The following GATAD2A variants were observed in gnomAD, a reference collection of about 807,000 sequenced individuals.
GATAD2A encodes transcriptional repressor p66-alpha.
In GATAD2A, 12 loss-of-function variants were observed where a neutral mutation model predicts 68.5. That is an observed-to-expected ratio of 0.18 (90% CI 0.11 to 0.28). The LOEUF is 0.28. Ranked by LOEUF, GATAD2A falls within the 10% of genes least tolerant of loss-of-function variation. The probability of loss-of-function intolerance (pLI) is 1.00; values close to 1 mark genes in which losing one functional copy is unlikely to be tolerated. For synonymous variants in GATAD2A, 410 were observed against 375.3 expected, an observed-to-expected ratio of 1.09 and a Z score of -1.07; for missense variants, 755 against 868.5, an observed-to-expected ratio of 0.87 and a Z score of 1.64.
At chr19:19,423,762 G>A (rs1490064844) in intron 1 of GATAD2A, among the ~76,000 whole-genome samples, 1 of 152,192 alleles carries the variant, frequency 6.6e-6, no homozygotes, top group African/African-American at 2.4e-5. Context: ...GAAGTGTGGG[G>A]GCTTGAGGTC....
At chr19:19,494,517 T>G in intron 5 of GATAD2A, 134 bp downstream of exon 5, 1 of 595,838 alleles carries the variant, frequency 1.7e-6, no homozygotes, top group Non-Finnish European at 3.0e-6. Flanking sequence ...TAGGCTGGAG[T>G]GAGGCCCTCC....
chr19:19,446,128 T>TA (rs2055689266), intron 1 of GATAD2A, among the ~76,000 whole-genome samples: 1 of 152,228 alleles, frequency 6.6e-6, no homozygotes, highest in African/African-American at 2.4e-5. Flanking sequence ...ATGTCACTCT[T>TA]ACCATTTTAC....
intron 8 of GATAD2A, 138 bp from the exon 9 acceptor site, chr19:19,500,978 CAT>C (rs998374472): frequency 2.8e-5 from 21 of 748,748 alleles, no homozygotes; most frequent in Non-Finnish European, 3.7e-5. Flanking sequence ...CCCATGTCCA[CAT>C]GTCATTGGTG....
At chr19:19,400,837 G>A (rs1266010253), upstream of GATAD2A, among the ~76,000 whole-genome samples, 4 of 152,040 alleles carry the variant, frequency 2.6e-5, no homozygotes, top group Non-Finnish European at 5.9e-5. Context: ...AAACTTTAGA[G>A]TACTAAGAAT....
intron 1 of GATAD2A, among the ~76,000 whole-genome samples, chr19:19,463,891 CT>C (rs1333810262): frequency 2.0e-5 from 3 of 152,228 alleles, no homozygotes; most frequent in African/African-American, 7.2e-5. Flanking sequence ...GCAGCTGTCT[CT>C]TTCTTTCCTT....
At position 19,495,834 on chromosome 19, in the gene GATAD2A, G is replaced by A. The variant is rs777814850; in HGVS notation, c.705G>A (p.Gly235=). Residue 235 remains glycine, a synonymous_variant, in exon 6 of 12, where the codon GGG becomes GGA. Coordinates refer to ENST00000683918, the MANE Select transcript of GATAD2A (RefSeq NM_001384528.1). ...RGGQQASSKL[G]PQASSQVVMP... ...GGCAGCAGGCGTCCTCGAAGCTGGG[G>A]CCACAGGCGAGCTCACAGGTCGTCA... 3.1e-6 allele frequency: 5 copies of A among 1,613,508 alleles called. No individual in the cohort carries two copies. The South Asian group carries it at 4.4e-5, about 14-fold the overall frequency.
chr19:19,435,162 C>T (rs369055648), intron 1 of GATAD2A: 4 of 530,356 alleles, frequency 7.5e-6, no homozygotes, highest in African/African-American at 1.9e-5. Context: ...CTTGGGGATT[C>T]AGAGATGCTG....
At chr19:19,398,832 G>A (rs1026910963) in intron 1 of GATAD2A, among the ~76,000 whole-genome samples, 4 of 151,200 alleles carry the variant, frequency 2.6e-5, no homozygotes, top group Admixed American at 6.6e-5. Context: ...AGGCCAAGGC[G>A]GGTGGATAAC....
chr19:19,420,984 C>T (rs773743748), intron 1 of GATAD2A, among the ~76,000 whole-genome samples: 1 of 152,136 alleles, frequency 6.6e-6, no homozygotes, highest in Non-Finnish European at 1.5e-5. Flanking sequence ...TCTTGGTGTC[C>T]CCAAAGTTTT....
At chr19:19,448,893 C>T in intron 1 of GATAD2A, among the ~76,000 whole-genome samples, 1 of 152,172 alleles carries the variant, frequency 6.6e-6, no homozygotes, top group East Asian at 1.9e-4. Flanking sequence ...AGGCTTTCAT[C>T]TCGTGTTACC....
intron 1 of GATAD2A, among the ~76,000 whole-genome samples, chr19:19,389,446 G>C (rs1047342438): frequency 2.0e-5 from 3 of 152,154 alleles, no homozygotes; most frequent in African/African-American, 7.2e-5. Flanking sequence ...CTTAATTTGA[G>C]TCCTTTGTGA....
At position 19,408,329 on chromosome 19, in the gene GATAD2A, T is replaced by C. The variant is rs1011407269; in HGVS notation, c.-7+2310T>C. On this transcript the variant is annotated intron_variant, in intron 1 of 11. Coordinates refer to ENST00000683918, the MANE Select transcript of GATAD2A (RefSeq NM_001384528.1). Reference sequence around the variant, plus strand: ...TCAGATGACATCATTTTTTAAAATGTCAAGTCATCTCTATTAATGCAGTAT... The same window carrying C: ...TCAGATGACATCATTTTTTAAAATGCCAAGTCATCTCTATTAATGCAGTAT... Among the ~76,000 whole-genome samples, 5 of 152,202 alleles carry C rather than the reference T, an allele frequency of 3.3e-5. No homozygotes were observed. The South Asian group carries it at 1.0e-3, about 32-fold the overall frequency.
intron 4 of GATAD2A, among the ~76,000 whole-genome samples, chr19:19,493,076 G>A (rs1001654383): frequency 6.6e-6 from 1 of 152,114 alleles, no homozygotes; most frequent in African/African-American, 2.4e-5. Flanking sequence ...GAGTAGCTGG[G>A]ACTACAGGCG....
intron 1 of GATAD2A, among the ~76,000 whole-genome samples, chr19:19,439,569 C>G (rs1010379994): frequency 6.6e-6 from 1 of 152,134 alleles, no homozygotes; most frequent in Non-Finnish European, 1.5e-5. Context: ...GACAAGTGGT[C>G]AGGTGCGGTG....
At chr19:19,500,410 T>A (rs2060450412) in intron 8 of GATAD2A, among the ~76,000 whole-genome samples, 1 of 151,854 alleles carries the variant, frequency 6.6e-6, no homozygotes, top group Admixed American at 6.6e-5. Flanking sequence ...CCTCTGACAT[T>A]GTCTGTGATG....
chr19:19,421,498 A>G (rs1242120119), intron 1 of GATAD2A, among the ~76,000 whole-genome samples: 1 of 152,180 alleles, frequency 6.6e-6, no homozygotes, highest in East Asian at 1.9e-4. Flanking sequence ...GACCCTGACC[A>G]CACTGAGAGC....
chr19:19,395,850 T>G (rs1433236005), intron 1 of GATAD2A, among the ~76,000 whole-genome samples: 3 of 152,188 alleles, frequency 2.0e-5, no homozygotes, highest in African/African-American at 7.2e-5. Flanking sequence ...ATCCTGATTC[T>G]ACCACTTGCT....
intron 1 of GATAD2A, among the ~76,000 whole-genome samples, chr19:19,438,488 A>G (rs1237233128): frequency 6.6e-6 from 1 of 152,198 alleles, no homozygotes; most frequent in Non-Finnish European, 1.5e-5. Flanking sequence ...CCTGCAGCCC[A>G]GGGCATTGTT....
upstream of GATAD2A, among the ~76,000 whole-genome samples, chr19:19,405,541 C>A (rs945430505): frequency 6.6e-6 from 1 of 152,046 alleles, no homozygotes; most frequent in Non-Finnish European, 1.5e-5. Flanking sequence ...CGCGTGGGAG[C>A]GCGCCGGAGA....
Sources: gnomAD v4.1 joint callset for allele counts (sites outside exome capture counted in the v4.1 genomes callset) on GRCh38, gnomAD v4.1.1 for gene constraint, MANE v1.5 for transcripts, NCBI Gene and HGNC (gene_info 2026-07-23, HGNC 2026-07-21) for gene names.